Variants in FAF1 observed in about 807,000 individuals in gnomAD.
The protein encoded by FAF1 is FAS-associated factor 1.
In FAF1, 25 loss-of-function variants were observed where a neutral mutation model predicts 92.5. That is an observed-to-expected ratio of 0.27 (90% CI 0.20 to 0.38). The LOEUF is 0.38. FAF1 is among the 10% of genes least tolerant of loss of function. FAF1 has a pLI of 1.00. For missense variants in FAF1, 636 were observed against 793.3 expected (o/e 0.80, Z 2.38); for synonymous variants, 234 against 273.2 (o/e 0.86, Z 1.42).
intron 1 of FAF1, among the ~76,000 whole-genome samples, chr1:50,956,446 T>C (rs1031708108): frequency 6.6e-6 from 1 of 152,224 alleles, no homozygotes; most frequent in African/African-American, 2.4e-5. Flanking sequence ...TGTGATTTAT[T>C]TTCAAATTCT....
chr1:50,845,708 A>ATGT (rs1345671305), intron 2 of FAF1, among the ~76,000 whole-genome samples: 2 of 152,030 alleles, frequency 1.3e-5, no homozygotes, highest in African/African-American at 2.4e-5. Flanking sequence ...CTTCAACAAT[A>ATGT]TGTGAATCCC....
chr1:50,910,978 C>G (rs1248102160), intron 1 of FAF1, among the ~76,000 whole-genome samples: 1 of 152,150 alleles, frequency 6.6e-6, no homozygotes, highest in East Asian at 1.9e-4. Flanking sequence ...GAGCTACAGA[C>G]TGGAGCTGTT....
At chr1:50,866,615 A>G (rs1005521337) in intron 1 of FAF1, among the ~76,000 whole-genome samples, 1 of 152,012 alleles carries the variant, frequency 6.6e-6, no homozygotes, top group Admixed American at 6.6e-5. Context: ...AAAACAAAAA[A>G]CCTTAGGAAT....
intron 8 of FAF1, among the ~76,000 whole-genome samples, chr1:50,635,258 G>C (rs1653958446): frequency 6.6e-6 from 1 of 152,132 alleles, no homozygotes; most frequent in African/African-American, 2.4e-5. Context: ...GCACATTTTT[G>C]CTTGTTTCTA....
intron 1 of FAF1, among the ~76,000 whole-genome samples, chr1:50,940,054 G>GTGC: frequency 6.6e-6 from 1 of 152,090 alleles, no homozygotes; most frequent in Non-Finnish European, 1.5e-5. Context: ...GGGACTACAG[G>GTGC]CACGTACCAC....
At chr1:50,660,831 T>C (rs1655340544) in intron 7 of FAF1, among the ~76,000 whole-genome samples, 1 of 152,174 alleles carries the variant, frequency 6.6e-6, no homozygotes, top group African/African-American at 2.4e-5. Context: ...CAACTGTTAC[T>C]GTGGGAAAAT....
At chr1:50,934,006 A>T (rs1284462778) in intron 1 of FAF1, among the ~76,000 whole-genome samples, 1 of 152,194 alleles carries the variant, frequency 6.6e-6, no homozygotes, top group African/African-American at 2.4e-5. Flanking sequence ...CTTCTGGGAG[A>T]TACAATTCAA....
At chr1:50,490,431 G>A (rs927698142) in intron 17 of FAF1, among the ~76,000 whole-genome samples, 157 bp downstream of exon 17, 14 of 120,010 alleles carry the variant, frequency 1.2e-4, no homozygotes, top group African/African-American at 3.1e-4. Context: ...AAGGAAGGAA[G>A]GAAGGAAGGA....
chr1:50,869,153 A>G (rs1644506807), intron 1 of FAF1, among the ~76,000 whole-genome samples: 1 of 152,086 alleles, frequency 6.6e-6, no homozygotes, highest in Non-Finnish European at 1.5e-5. Flanking sequence ...TATGCCTTGT[A>G]CTCAAGTCTA....
At chr1:50,837,328 C>G (rs1374738251) in intron 2 of FAF1, among the ~76,000 whole-genome samples, 1 of 152,054 alleles carries the variant, frequency 6.6e-6, no homozygotes, top group Non-Finnish European at 1.5e-5. Flanking sequence ...ATTTAGTTGT[C>G]TTTTCTCTTG....
intron 1 of FAF1, among the ~76,000 whole-genome samples, chr1:50,906,639 C>T (rs1272442615): frequency 2.6e-5 from 4 of 152,148 alleles, no homozygotes; most frequent in Non-Finnish European, 5.9e-5. Flanking sequence ...CTCTTTGAAG[C>T]AATTGTGAAT....
intron 7 of FAF1, among the ~76,000 whole-genome samples, chr1:50,686,237 G>A (rs1656650072): frequency 6.6e-6 from 1 of 152,052 alleles, no homozygotes; most frequent in Non-Finnish European, 1.5e-5. Flanking sequence ...GTAGAAATAT[G>A]TCCCCTTTAA....
At chr1:50,929,161 G>A (rs1016445805) in intron 1 of FAF1, among the ~76,000 whole-genome samples, 4 of 149,476 alleles carry the variant, frequency 2.7e-5, no homozygotes, top group Admixed American at 6.7e-5. Context: ...AAAATGTTTT[G>A]AATTATTAGG....
At chr1:50,726,204 C>T (rs558149053) in intron 6 of FAF1, among the ~76,000 whole-genome samples, 1 of 151,832 alleles carries the variant, frequency 6.6e-6, no homozygotes, top group Non-Finnish European at 1.5e-5. Context: ...TGCAGAGAGC[C>T]GAGATTGTGC....
At chr1:50,598,970 C>CA (rs1184249083) in intron 8 of FAF1, among the ~76,000 whole-genome samples, 169 of 145,104 alleles carry the variant, frequency 1.2e-3, no homozygotes, top group African/African-American at 3.6e-3. Flanking sequence ...AACTCCGTCT[C>CA]AAAAAAAAAA....
rs921994758 is a variant in FAF1, at chr1:50,860,745, A to T, written c.46-2748T>A. Among the ~76,000 whole-genome samples the T allele has an allele frequency of 7.9e-5, 12 of 151,298 alleles. No individual in the cohort carries two copies. The South Asian group carries it at 1.5e-3, about 18-fold the overall frequency. On this transcript the variant is annotated intron_variant, in intron 1 of 18. Coordinates refer to ENST00000396153, the MANE Select transcript of FAF1 (RefSeq NM_007051.3). Reference sequence around the variant, plus strand: ...ACTCAGAAATCCCTATGTATATATTAAAAAAAAATTCATTGTACCAAAAAG... The same window carrying T: ...ACTCAGAAATCCCTATGTATATATTTAAAAAAAATTCATTGTACCAAAAAG...
At chr1:50,909,370 G>A (rs562124977) in intron 1 of FAF1, among the ~76,000 whole-genome samples, 60 of 152,166 alleles carry the variant, frequency 3.9e-4, no homozygotes, top group Middle Eastern at 3.4e-3. Flanking sequence ...TGCTCTTCTC[G>A]AGGAGTATCT....
intron 3 of FAF1, among the ~76,000 whole-genome samples, chr1:50,790,014 A>G (rs17384759): frequency 0.024 from 3,666 of 152,254 alleles, 74 homozygotes; most frequent in Middle Eastern, 0.051. Flanking sequence ...TCTCAGATTG[A>G]ATGTTTTTCA....
At chr1:50,794,189 G>A (rs1229068705) in intron 3 of FAF1, among the ~76,000 whole-genome samples, 1 of 152,222 alleles carries the variant, frequency 6.6e-6, no homozygotes, top group Non-Finnish European at 1.5e-5. Flanking sequence ...CTAGAATGCA[G>A]TGGTTGAAAG....
Sources: allele counts gnomAD v4.1 joint callset (sites outside exome capture counted in the v4.1 genomes callset), GRCh38; gene constraint gnomAD v4.1.1; transcripts MANE v1.5; gene names NCBI Gene and HGNC (gene_info 2026-07-23, HGNC 2026-07-21).